The following MKLN1 variants were observed in gnomAD, a reference collection of about 807,000 sequenced individuals.
MKLN1 encodes the protein muskelin.
In MKLN1, 18 loss-of-function variants were observed where a neutral mutation model predicts 99.0. That is an observed-to-expected ratio of 0.18 (90% CI 0.13 to 0.27). The LOEUF (loss-of-function observed/expected upper bound fraction) is 0.27. MKLN1 is among the 10% of genes least tolerant of loss of function. The pLI, the probability that MKLN1 is intolerant of heterozygous loss-of-function variation, is 1.00. For missense variants in MKLN1, 621 were observed against 875.9 expected, an observed-to-expected ratio of 0.71 and a Z score of 3.67; for synonymous variants, 288 against 293.2, an observed-to-expected ratio of 0.98 and a Z score of 0.18.
At chr7:131,247,870 CTTTT>C (rs950769007) in intron 3 of MKLN1, among the ~76,000 whole-genome samples, 1 of 132,072 alleles carries the variant, frequency 7.6e-6, no homozygotes. Context: ...CTGCTACTGC[CTTTT>C]TTGTTTTGTT....
At chr7:131,285,957 C>CCTT (rs397950661) in intron 3 of MKLN1, among the ~76,000 whole-genome samples, 43 of 117,758 alleles carry the variant, frequency 3.7e-4, no homozygotes, top group African/African-American at 9.7e-4. Context: ...CATCTATGGA[C>CCTT]TTTTTTTTTT....
intron 1 of MKLN1, among the ~76,000 whole-genome samples, chr7:131,138,868 C>T (rs780727895): frequency 3.9e-5 from 6 of 152,158 alleles, no homozygotes; most frequent in Non-Finnish European, 7.3e-5. Context: ...TCATTGTATG[C>T]GTCTTGGAAA....
intron 7 of MKLN1, among the ~76,000 whole-genome samples, chr7:131,413,830 C>T (rs191130894): frequency 3.5e-4 from 53 of 152,294 alleles, no homozygotes; most frequent in Admixed American, 1.7e-3. Context: ...TGAGCCACCG[C>T]GCCCGGCCAT....
intron 3 of MKLN1, among the ~76,000 whole-genome samples, chr7:131,222,579 G>GA (rs1797075525): frequency 1.3e-5 from 2 of 152,124 alleles, no homozygotes; most frequent in South Asian, 4.1e-4. Context: ...GTATTCCTCT[G>GA]AAACTTCTGT....
At chr7:131,468,730 C>G (rs182344260) in intron 15 of MKLN1, among the ~76,000 whole-genome samples, 1 of 152,070 alleles carries the variant, frequency 6.6e-6, no homozygotes, top group Non-Finnish European at 1.5e-5. Flanking sequence ...GATTAAAATA[C>G]GATTCTAGGC....
intron 1 of MKLN1, among the ~76,000 whole-genome samples, chr7:131,371,922 C>T (rs1221628508): frequency 1.3e-5 from 2 of 151,900 alleles, no homozygotes; most frequent in Non-Finnish European, 2.9e-5. Flanking sequence ...TTTTTAGAGA[C>T]AGGGTCTCTC....
chr7:131,272,840 A>G (rs1797907326), intron 3 of MKLN1, among the ~76,000 whole-genome samples: 1 of 152,178 alleles, frequency 6.6e-6, no homozygotes, highest in African/African-American at 2.4e-5. Context: ...CCATGGTTCA[A>G]TTACCCCTCC....
intron 1 of MKLN1, among the ~76,000 whole-genome samples, chr7:131,374,734 A>G (rs1255052537): frequency 6.6e-6 from 1 of 151,980 alleles, no homozygotes; most frequent in Non-Finnish European, 1.5e-5. Flanking sequence ...TCTGCTTTTG[A>G]TGGTATGCCT....
Position 131,488,158 on chromosome 7 carries a change from C to G in MKLN1, c.*430C>G, listed in dbSNP as rs1046789730. 1.3e-5 allele frequency: 2 copies of G among 151,846 alleles called. No homozygotes were observed. Among genetic ancestry groups the G allele is most frequent in the African/African-American group, 2.4e-5 (1 of 41,324 alleles). The allele number at this position is 151,846 out of a possible 1,614,324, so 9.4% of individuals were successfully genotyped here. A position where few individuals can be genotyped will look rare whatever the true frequency, so the allele number is the denominator to read the frequency against. On this transcript the variant is annotated 3_prime_UTR_variant, in exon 18 of 18. Transcript: ENST00000352689. ...TGTTGGTCATTTGGCCTGCCTTTTCCCTTCCTATTTCACTTTGCCTCCCAT... is the reference window on the plus strand; with the variant it reads ...TGTTGGTCATTTGGCCTGCCTTTTCGCTTCCTATTTCACTTTGCCTCCCAT...
At chr7:131,263,349 A>T (rs79026462) in intron 3 of MKLN1, among the ~76,000 whole-genome samples, 16,907 of 126,058 alleles carry the variant, frequency 0.13, 1,107 homozygotes, top group African/African-American at 0.22. Context: ...ACAATTATTA[A>T]TAATAATAAT....
chr7:131,297,219 C>T (rs35548203), intron 3 of MKLN1, among the ~76,000 whole-genome samples: 26,340 of 151,852 alleles, frequency 0.17, 2,359 homozygotes, highest in African/African-American at 0.21. Context: ...AAATTAGCCA[C>T]GTGTGGTGGC....
At chr7:131,424,743 G>C (rs1451892228) in intron 8 of MKLN1, among the ~76,000 whole-genome samples, 2 of 152,164 alleles carry the variant, frequency 1.3e-5, no homozygotes, top group Non-Finnish European at 1.5e-5. Context: ...GATTGACTCA[G>C]TGTTTTAGAA....
At chr7:131,418,014 GAAGGAACTA>G (rs1795074099) in intron 8 of MKLN1, among the ~76,000 whole-genome samples, 1 of 152,182 alleles carries the variant, frequency 6.6e-6, no homozygotes, top group Non-Finnish European at 1.5e-5. Flanking sequence ...CCTGATTGTA[GAAGGAACTA>G]TTTTTGTAAC....
chr7:131,358,337 AT>A (rs1327198765), intron 1 of MKLN1, among the ~76,000 whole-genome samples: 1 of 152,164 alleles, frequency 6.6e-6, no homozygotes, highest in African/African-American at 2.4e-5. Flanking sequence ...TTGATGTGTA[AT>A]ACATTAATTG....
At chr7:131,421,362 A>G (rs1370244985) in intron 8 of MKLN1, among the ~76,000 whole-genome samples, 1 of 152,166 alleles carries the variant, frequency 6.6e-6, no homozygotes, top group African/African-American at 2.4e-5. Context: ...ATCACTTTCA[A>G]AGAGATTGTA....
intron 3 of MKLN1, among the ~76,000 whole-genome samples, chr7:131,302,100 G>T (rs1443323010): frequency 1.3e-5 from 2 of 152,182 alleles, no homozygotes. Context: ...TAGGAAGTGT[G>T]GTATTTGGCC....
At chr7:131,176,983 T>C (rs139559409) in intron 2 of MKLN1, among the ~76,000 whole-genome samples, 1 of 152,132 alleles carries the variant, frequency 6.6e-6, no homozygotes, top group Non-Finnish European at 1.5e-5. Context: ...GTAATAATGA[T>C]AAAAGATTAA....
chr7:131,302,948 G>A (rs995836150), intron 3 of MKLN1, among the ~76,000 whole-genome samples: 3 of 152,104 alleles, frequency 2.0e-5, no homozygotes, highest in African/African-American at 7.2e-5. Context: ...CGTTTGTGTG[G>A]TACCAAACTG....
chr7:131,431,925 CT>C (rs1795533996), intron 9 of MKLN1, among the ~76,000 whole-genome samples: 3 of 152,180 alleles, frequency 2.0e-5, no homozygotes, highest in Admixed American at 1.3e-4. Flanking sequence ...CTCCCCCTAA[CT>C]TTACCTAATA....
Sources: gnomAD v4.1 joint callset for allele counts (sites outside exome capture counted in the v4.1 genomes callset) on GRCh38, gnomAD v4.1.1 for gene constraint, MANE v1.5 for transcripts, NCBI Gene and HGNC (gene_info 2026-07-23, HGNC 2026-07-21) for gene names.